Variants in KCMF1 observed in about 807,000 individuals in gnomAD.
KCMF1 encodes the protein E3 ubiquitin-protein ligase KCMF1.
A neutral mutation model predicts 41.1 loss-of-function variants in KCMF1; 3 were observed. The ratio of observed to expected loss-of-function variants is 0.07; its 90% CI spans 0.03 to 0.19. The LOEUF is 0.19. Among genes scored for constraint, KCMF1 ranks in the 10% least tolerant of loss-of-function variants. The pLI, the probability that KCMF1 is intolerant of heterozygous loss-of-function variation, is 1.00. For synonymous variants in KCMF1, 142 were observed against 164.5 expected, an observed-to-expected ratio of 0.86 and a Z score of 1.04; for missense variants, 286 against 488.9, an observed-to-expected ratio of 0.58 and a Z score of 3.91.
At chr2:85,025,734 G>A (rs756494229) in intron 1 of KCMF1, among the ~76,000 whole-genome samples, 1 of 151,720 alleles carries the variant, frequency 6.6e-6, no homozygotes, top group Non-Finnish European at 1.5e-5. Context: ...TCAGCCACCC[G>A]AGTAGCTGAG....
chr2:85,049,988 A>C (rs1305563946), intron 6 of KCMF1, among the ~76,000 whole-genome samples: 1 of 152,080 alleles, frequency 6.6e-6, no homozygotes, highest in African/African-American at 2.4e-5. Context: ...ATGAAATCTT[A>C]TCTCTACAAA....
chr2:85,024,553 TGAGA>T (rs377478206), intron 1 of KCMF1, among the ~76,000 whole-genome samples: 4,230 of 141,666 alleles, frequency 0.03, 162 homozygotes, highest in African/African-American at 0.087. Flanking sequence ...ATTTGGAGAG[TGAGA>T]GAGAGAGAGA....
intron 1 of KCMF1, among the ~76,000 whole-genome samples, chr2:85,006,036 C>T (rs1004819968): frequency 1.3e-5 from 2 of 152,154 alleles, no homozygotes; most frequent in African/African-American, 2.4e-5. Context: ...TGCCTGGTCA[C>T]ATATCAGTTC....
intron 1 of KCMF1, among the ~76,000 whole-genome samples, chr2:85,023,114 C>T (rs969681656): frequency 5.3e-5 from 8 of 150,950 alleles, no homozygotes; most frequent in African/African-American, 1.7e-4. Context: ...GTCTCGATCT[C>T]CTGACCTCAT....
At chr2:85,018,795 ATTTTTTTTTTTT>A (rs34627507) in intron 1 of KCMF1, among the ~76,000 whole-genome samples, 1 of 73,684 alleles carries the variant, frequency 1.4e-5, no homozygotes, top group Admixed American at 1.6e-4. Flanking sequence ...CAGAACTTTG[ATTTTTTTTTTTT>A]TTTTTTTTTT....
At position 85,029,249 on chromosome 2, in the gene KCMF1, C is replaced by T. The variant is rs150304880; in HGVS notation, c.184+1193C>T. Among the ~76,000 whole-genome samples the T allele has an allele frequency of 5.6e-3, 856 of 152,188 alleles. 8 individuals are homozygous for T. The highest frequency in any genetic ancestry group is 0.019 in the African/African-American group (804 of 41,538). ...AAAGTGCTGGGATTACAGACGTGAG[C>T]CACCATGCCCAGCAATAATAGCTTT... On this transcript the variant is annotated intron_variant, in intron 2 of 6. Transcript: ENST00000409785.
At chr2:84,971,731 G>A (rs1559122148) in intron 1 of KCMF1, among the ~76,000 whole-genome samples, 1 of 151,218 alleles carries the variant, frequency 6.6e-6, no homozygotes, top group African/African-American at 2.4e-5. Flanking sequence ...GGGGCGGAGG[G>A]GGAGGGGAGG....
intron 4 of KCMF1, among the ~76,000 whole-genome samples, chr2:85,045,888 TACAC>T (rs143814912): frequency 6.6e-6 from 1 of 151,722 alleles, no homozygotes; most frequent in African/African-American, 2.4e-5. Context: ...ACACACCCAA[TACAC>T]ACACACACAC....
intron 2 of KCMF1, among the ~76,000 whole-genome samples, chr2:85,031,481 C>T (rs1675265860): frequency 6.6e-6 from 1 of 152,090 alleles, no homozygotes; most frequent in African/African-American, 2.4e-5. Context: ...TACAACCATG[C>T]TGTTTTTCAT....
intron 4 of KCMF1, among the ~76,000 whole-genome samples, chr2:85,044,335 G>A (rs553001226): frequency 2.0e-5 from 3 of 151,760 alleles, no homozygotes; most frequent in Non-Finnish European, 4.4e-5. Context: ...ATAGCATAAG[G>A]TCAGCTCTAG....
intron 1 of KCMF1, among the ~76,000 whole-genome samples, chr2:84,997,503 C>A (rs1674205671): frequency 6.6e-6 from 1 of 152,036 alleles, no homozygotes; most frequent in Non-Finnish European, 1.5e-5. Flanking sequence ...ATATTTCTTA[C>A]CCCTCACTCC....
At chr2:84,973,954 A>G (rs1673466307) in intron 1 of KCMF1, among the ~76,000 whole-genome samples, 1 of 150,640 alleles carries the variant, frequency 6.6e-6, no homozygotes, top group South Asian at 2.1e-4. Context: ...CAGCCTCCCA[A>G]GTAGCTGGGA....
intron 1 of KCMF1, among the ~76,000 whole-genome samples, chr2:85,008,381 T>TCATATGA (rs369479422): frequency 1.4e-3 from 26 of 19,060 alleles, no homozygotes; most frequent in African/African-American, 2.8e-3. Context: ...ATATGATATA[T>TCATATGA]TATATATGAT....
In KCMF1 at chr2:85,054,069, G is replaced by GCTCA. The variant is rs1675874057; in HGVS notation, c.*661_*664dup. 6.6e-6 allele frequency: 1 copy of GCTCA among 152,034 alleles called. No homozygotes were observed. The highest frequency in any genetic ancestry group is 2.4e-5 in the African/African-American group (1 of 41,358). The allele number at this position is 152,034 out of a possible 1,614,324, so 9.4% of individuals were successfully genotyped here. ...CTGTTAGTCATCTTGCCTGTGTGGA[G>GCTCA]CTCAGCCTGTCTCTTTAACTCATCT... On this transcript the variant is annotated 3_prime_UTR_variant, in exon 7 of 7. Transcript: ENST00000409785.
At chr2:85,038,240 G>A (rs977343910) in intron 3 of KCMF1, among the ~76,000 whole-genome samples, 1 of 152,106 alleles carries the variant, frequency 6.6e-6, no homozygotes, top group African/African-American at 2.4e-5. Flanking sequence ...ACTTATAATT[G>A]AACACTTACT....
intron 1 of KCMF1, among the ~76,000 whole-genome samples, chr2:85,022,282 G>A (rs1674964922): frequency 6.6e-6 from 1 of 151,896 alleles, no homozygotes; most frequent in Non-Finnish European, 1.5e-5. Context: ...GACCAGTCTG[G>A]GCAACTTGGC....
intron 1 of KCMF1, among the ~76,000 whole-genome samples, chr2:84,982,179 G>A (rs1304878980): frequency 6.6e-6 from 1 of 152,034 alleles, no homozygotes; most frequent in African/African-American, 2.4e-5. Flanking sequence ...TGTGTTACGG[G>A]TTTTTGTGAA....
At chr2:85,037,885 T>A (rs893967273) in intron 3 of KCMF1, among the ~76,000 whole-genome samples, 10 of 152,186 alleles carry the variant, frequency 6.6e-5, no homozygotes, top group Admixed American at 2.0e-4. Flanking sequence ...CCGCCTGAAC[T>A]CCACTCCCTG....
chr2:85,017,422 T>G (rs1674802871), intron 1 of KCMF1, among the ~76,000 whole-genome samples: 1 of 152,232 alleles, frequency 6.6e-6, no homozygotes. Context: ...TATTGTTCTC[T>G]GTATAGTTCT....
Sources: gnomAD v4.1 joint callset for allele counts (sites outside exome capture counted in the v4.1 genomes callset) on GRCh38, gnomAD v4.1.1 for gene constraint, MANE v1.5 for transcripts, NCBI Gene and HGNC (gene_info 2026-07-23, HGNC 2026-07-21) for gene names.